Variants in GK5 observed in about 807,000 individuals in gnomAD.
GK5 encodes glycerol kinase 5, also known as ATP:glycerol 3-phosphotransferase 5.
GK5 carries 39 observed loss-of-function variants against 77.3 expected under a neutral mutation model. That is an observed-to-expected ratio of 0.50 (90% CI 0.39 to 0.66). The LOEUF is 0.66. Among genes scored for constraint, GK5 ranks in the 30% least tolerant of loss-of-function variants. GK5 has a pLI of 0.00. For missense variants in GK5, 487 were observed against 633.8 expected, an observed-to-expected ratio of 0.77 and a Z score of 2.49; for synonymous variants, 211 against 208.0, an observed-to-expected ratio of 1.01 and a Z score of -0.13.
Position 142,161,084 on chromosome 3 carries a change from TTTTTTTG to T in GK5, c.*4531_*4537del, listed in dbSNP as rs149503207. 8,329 of 118,168 alleles carry T rather than the reference TTTTTTTG, an allele frequency of 0.07. 255 individuals are homozygous for T. The highest frequency in any genetic ancestry group is 0.11 in the East Asian group (528 of 4,654). 7.3% of individuals were successfully genotyped at this position (118,168 alleles called of 1,614,324 possible). A position where few individuals can be genotyped will look rare whatever the true frequency, so the allele number is the denominator to read the frequency against. ...TCACTACAGAGTAGTTCTTCTTTTG[TTTTTTTG>T]TTTTTGTTTTTGTTTTTGTTTTTTT... On this transcript the variant is annotated 3_prime_UTR_variant, in exon 16 of 16. Coordinates refer to ENST00000392993, the MANE Select transcript of GK5 (RefSeq NM_001039547.3).
rs564791932 is a variant in GK5, at chr3:142,189,140, T to A, written c.544-1361A>T. Among the ~76,000 whole-genome samples, 3 of 152,258 alleles carry A rather than the reference T, an allele frequency of 2.0e-5. No individual in the cohort carries two copies. The East Asian group carries it at 5.8e-4, about 29-fold the overall frequency. On this transcript the variant is annotated intron_variant, in intron 5 of 15. Coordinates refer to ENST00000392993, the MANE Select transcript of GK5 (RefSeq NM_001039547.3). ...GCCTCTCTACTAGACCCTTAGCTCT[T>A]TAAGGGCAGGGACAAGATTGCATTT...
chr3:142,181,426 T>A (rs2063696106), intron 11 of GK5, 35 bp downstream of exon 11: 1 of 1,295,130 alleles, frequency 7.7e-7, no homozygotes, highest in South Asian at 1.3e-5. Flanking sequence ...ATTCTTTAGG[T>A]CTGGCTTGTG....
At chr3:142,213,453 A>G in intron 3 of GK5, 73 bp downstream of exon 3, 1 of 916,020 alleles carries the variant, frequency 1.1e-6, no homozygotes, top group Non-Finnish European at 1.8e-6. Flanking sequence ...AAACTCCCCA[A>G]AGAGATTTCA....
chr3:142,224,052 C>G (rs1050218174), intron 1 of GK5, among the ~76,000 whole-genome samples: 3 of 152,092 alleles, frequency 2.0e-5, no homozygotes, highest in Admixed American at 2.0e-4. Flanking sequence ...ACTGATGGCT[C>G]CGGCCCTCCC....
chr3:142,186,630 C>CTT (rs781196956), intron 6 of GK5, 117 bp from the exon 7 acceptor site: 2,971 of 260,792 alleles, frequency 0.011, no homozygotes, highest in South Asian at 0.02. Flanking sequence ...TGTGTATTTT[C>CTT]TTTTTTTTTT....
intron 4 of GK5, among the ~76,000 whole-genome samples, chr3:142,203,292 T>C (rs1156337051): frequency 6.6e-6 from 1 of 152,176 alleles, no homozygotes; most frequent in African/African-American, 2.4e-5. Context: ...GGTGAGATTA[T>C]GGCAAAATTG....
rs1488770236 is a variant in GK5 at position 142,164,296 on chromosome 3, G to C, written c.*1326C>G. ...TAAAATAGCTAGTTCTATAATAAAA[G>C]GATTTTATGTGCCAAATCCTGACCA... On this transcript the variant is annotated 3_prime_UTR_variant, in exon 16 of 16. Coordinates refer to ENST00000392993, the MANE Select transcript of GK5 (RefSeq NM_001039547.3). The C allele has an allele frequency of 6.6e-6, 1 of 152,008 alleles. No individual in the cohort carries two copies. Among genetic ancestry groups the C allele is most frequent in the African/African-American group, 2.4e-5 (1 of 41,370 alleles). 9.4% of individuals were successfully genotyped at this position (152,008 alleles called of 1,614,324 possible).
At chr3:142,218,467 G>A (rs1011229204) in intron 1 of GK5, among the ~76,000 whole-genome samples, 2 of 149,832 alleles carry the variant, frequency 1.3e-5, no homozygotes, top group Non-Finnish European at 3.0e-5. Context: ...GCTTGAACCC[G>A]GAAGGCAGAG....
At chr3:142,180,198 C>T (rs1382859500) in intron 11 of GK5, among the ~76,000 whole-genome samples, 2 of 152,210 alleles carry the variant, frequency 1.3e-5, no homozygotes, top group East Asian at 3.8e-4. Context: ...GTCTTGCCTG[C>T]CCCTGGCAAT....
At position 142,203,703 on chromosome 3, in the gene GK5, G is replaced by A. The variant is rs1412020662; in HGVS notation, c.411+992C>T. Among the ~76,000 whole-genome samples, 3 of 152,192 alleles carry A rather than the reference G, an allele frequency of 2.0e-5. No homozygotes were observed. In the South Asian group the frequency reaches 6.2e-4, roughly 31 times the overall value. ...GCAGGAGAATCACGTGAACCCAGGA[G>A]GCAGAGGTTGCAGTGAGCTGAGATC... On this transcript the variant is annotated intron_variant, in intron 4 of 15. Transcript: ENST00000392993.
intron 3 of GK5, among the ~76,000 whole-genome samples, chr3:142,213,037 T>C (rs1389602621): frequency 1.3e-5 from 2 of 151,848 alleles, no homozygotes; most frequent in Non-Finnish European, 2.9e-5. Flanking sequence ...GGTTTCACCG[T>C]GTTAGCCAGG....
intron 10 of GK5, 132 bp from the exon 11 acceptor site, chr3:142,181,697 T>A: frequency 1.7e-6 from 1 of 592,114 alleles, no homozygotes; most frequent in Middle Eastern, 3.0e-4. Context: ...ACGTTCAAAC[T>A]CTAGCCCACT....
At chr3:142,205,319 AT>A (rs1435089479) in intron 3 of GK5, among the ~76,000 whole-genome samples, 1 of 152,214 alleles carries the variant, frequency 6.6e-6, no homozygotes, top group Non-Finnish European at 1.5e-5. Context: ...AAAAAAAAAA[AT>A]CCTTTTTCCT....
In GK5 at chr3:142,162,361, A is replaced by G. The variant is rs1222594340; in HGVS notation, c.*3261T>C. 1 of 152,210 alleles carries G rather than the reference A, an allele frequency of 6.6e-6. No individual in the cohort carries two copies. Among genetic ancestry groups the G allele is most frequent in the African/African-American group, 2.4e-5 (1 of 41,450 alleles). 9.4% of individuals were successfully genotyped at this position (152,210 alleles called of 1,614,324 possible). A position where few individuals can be genotyped will look rare whatever the true frequency, so the allele number is the denominator to read the frequency against. ...TAACAACTAGGGGGATGGTACTTGTAGCTAGAGGGCAGAGGTCAGGGATAT... is the reference window on the plus strand; with the variant it reads ...TAACAACTAGGGGGATGGTACTTGTGGCTAGAGGGCAGAGGTCAGGGATAT... On this transcript the variant is annotated 3_prime_UTR_variant, in exon 16 of 16. Transcript: ENST00000392993.
At chr3:142,184,172 A>C (rs1474697384) in intron 9 of GK5, among the ~76,000 whole-genome samples, 1 of 146,626 alleles carries the variant, frequency 6.8e-6, no homozygotes, top group Non-Finnish European at 1.5e-5. Flanking sequence ...GAGGCAGGAG[A>C]ATGGCATGAG....
intron 5 of GK5, among the ~76,000 whole-genome samples, chr3:142,190,374 T>C (rs1010267491): frequency 6.6e-6 from 1 of 151,948 alleles, no homozygotes; most frequent in African/African-American, 2.4e-5. Flanking sequence ...AAAAAAAAAG[T>C]TGAGCAAACT....
chr3:142,215,783 T>G (rs2064268384), intron 1 of GK5, 91 bp from the exon 2 acceptor site: 1 of 610,240 alleles, frequency 1.6e-6, no homozygotes, highest in South Asian at 2.2e-5. Flanking sequence ...TTAAAATAAT[T>G]AACATGATTT....
intron 1 of GK5, among the ~76,000 whole-genome samples, chr3:142,225,078 T>C (rs1473498803): frequency 6.6e-6 from 1 of 152,110 alleles, no homozygotes; most frequent in Non-Finnish European, 1.5e-5. Context: ...ACCGGGCCCC[T>C]GGCACCCTCA....
At chr3:142,223,425 T>C (rs1368337581) in intron 1 of GK5, among the ~76,000 whole-genome samples, 2 of 152,218 alleles carry the variant, frequency 1.3e-5, no homozygotes, top group Non-Finnish European at 2.9e-5. Flanking sequence ...CTGCCTTTCA[T>C]TTTTCTTTTC....
Sources: allele counts gnomAD v4.1 joint callset (sites outside exome capture counted in the v4.1 genomes callset), GRCh38; gene constraint gnomAD v4.1.1; transcripts MANE v1.5; gene names NCBI Gene and HGNC (gene_info 2026-07-23, HGNC 2026-07-21).